RSPO2: variants seen among roughly 807,000 people sequenced by gnomAD.
RSPO2 encodes R-spondin 2.
In RSPO2, 14 loss-of-function variants were observed where a neutral mutation model predicts 30.9. That is an observed-to-expected ratio of 0.45 (90% CI 0.30 to 0.71). The LOEUF (loss-of-function observed/expected upper bound fraction) is 0.71, where lower values mean the gene tolerates loss of function less well. RSPO2 is among the 30% of genes least tolerant of loss of function. The probability of loss-of-function intolerance (pLI) is 0.08; values close to 1 mark genes in which losing one functional copy is unlikely to be tolerated. For synonymous variants in RSPO2, 107 were observed against 96.4 expected, an observed-to-expected ratio of 1.11 and a Z score of -0.64; for missense variants, 264 against 301.9, an observed-to-expected ratio of 0.87 and a Z score of 0.93.
At chr8:108,038,133 C>T (rs1428714977) in intron 2 of RSPO2, among the ~76,000 whole-genome samples, 2 of 152,196 alleles carry the variant, frequency 1.3e-5, no homozygotes, top group African/African-American at 4.8e-5. Context: ...CCATTAAAAA[C>T]ATTAGTGATT....
intron 3 of RSPO2, among the ~76,000 whole-genome samples, chr8:107,982,904 T>C (rs1563549814): frequency 6.6e-6 from 1 of 152,174 alleles, no homozygotes; most frequent in Non-Finnish European, 1.5e-5. Flanking sequence ...TAATATACTA[T>C]ATTTTTTAGG....
chr8:108,029,623 CA>C (rs1464266044), intron 2 of RSPO2, among the ~76,000 whole-genome samples: 2 of 152,230 alleles, frequency 1.3e-5, no homozygotes, highest in East Asian at 3.9e-4. Flanking sequence ...AAAGAATCTG[CA>C]AGACAACATT....
chr8:107,926,541 C>A (rs141514514), intron 5 of RSPO2, among the ~76,000 whole-genome samples: 18,367 of 152,076 alleles, frequency 0.12, 1,434 homozygotes, highest in Middle Eastern at 0.31. Flanking sequence ...TTAGGTCTAA[C>A]GTTTAAGTCT....
intron 2 of RSPO2, among the ~76,000 whole-genome samples, chr8:108,041,846 G>C (rs1811768256): frequency 6.6e-6 from 1 of 152,018 alleles, no homozygotes; most frequent in African/African-American, 2.4e-5. Flanking sequence ...AGGCAGCAGG[G>C]GGTTGGCATC....
intron 5 of RSPO2, among the ~76,000 whole-genome samples, chr8:107,943,792 T>A (rs1011508724): frequency 2.0e-5 from 3 of 152,218 alleles, no homozygotes; most frequent in Admixed American, 1.3e-4. Flanking sequence ...TACTTTAAAT[T>A]ACTCAAGTTA....
At chr8:107,998,187 A>T (rs1307004134) in intron 2 of RSPO2, among the ~76,000 whole-genome samples, 1 of 151,836 alleles carries the variant, frequency 6.6e-6, no homozygotes, top group Non-Finnish European at 1.5e-5. Context: ...CAAGATATGT[A>T]TTTAAGGAAG....
At chr8:107,927,160 T>A (rs1454170505) in intron 5 of RSPO2, among the ~76,000 whole-genome samples, 1 of 152,190 alleles carries the variant, frequency 6.6e-6, no homozygotes, top group Non-Finnish European at 1.5e-5. Context: ...TTGAAGCAAT[T>A]GTGAATGGGA....
intron 2 of RSPO2, among the ~76,000 whole-genome samples, chr8:108,002,124 T>C (rs1007567606): frequency 6.6e-6 from 1 of 152,342 alleles, no homozygotes; most frequent in Non-Finnish European, 1.5e-5. Context: ...AGATTACTTA[T>C]GCCAAGTGTT....
At chr8:108,053,125 C>T (rs1812125258) in intron 2 of RSPO2, among the ~76,000 whole-genome samples, 1 of 152,106 alleles carries the variant, frequency 6.6e-6, no homozygotes, top group Non-Finnish European at 1.5e-5. Context: ...TCTTGATCTG[C>T]TAGATAGTAC....
intron 2 of RSPO2, among the ~76,000 whole-genome samples, chr8:108,031,601 C>T (rs1046052037): frequency 1.3e-5 from 2 of 152,000 alleles, no homozygotes; most frequent in Non-Finnish European, 2.9e-5. Flanking sequence ...GGTAAAAGGC[C>T]GTAACTTCAT....
chr8:108,042,493 C>G (rs968001013), intron 2 of RSPO2, among the ~76,000 whole-genome samples: 1 of 152,118 alleles, frequency 6.6e-6, no homozygotes, highest in Non-Finnish European at 1.5e-5. Context: ...TTACCTGCAA[C>G]CCAAGTCTCA....
intron 2 of RSPO2, chr8:107,997,004 C>A: frequency 2.4e-6 from 1 of 416,800 alleles, no homozygotes; most frequent in South Asian, 1.8e-5. Flanking sequence ...CCTGAGTACT[C>A]TCTCCCCACT....
At chr8:108,038,945 T>G (rs1416934904) in intron 2 of RSPO2, among the ~76,000 whole-genome samples, 2 of 152,204 alleles carry the variant, frequency 1.3e-5, no homozygotes, top group Non-Finnish European at 2.9e-5. Context: ...GAAGTATGCC[T>G]GTATTTATAT....
At chr8:107,903,008 T>C (rs1402648541) in intron 5 of RSPO2, among the ~76,000 whole-genome samples, 1 of 152,078 alleles carries the variant, frequency 6.6e-6, no homozygotes, top group African/African-American at 2.4e-5. Flanking sequence ...AAGTTACAAC[T>C]ATTTAGTAAC....
chr8:107,934,289 G>C (rs1488226427), intron 5 of RSPO2, among the ~76,000 whole-genome samples: 1 of 151,134 alleles, frequency 6.6e-6, no homozygotes, highest in Admixed American at 6.6e-5. Context: ...CCAAAATACA[G>C]AATGTACTAA....
Position 107,901,030 on chromosome 8 carries a change from A to G in RSPO2, c.*45T>C. On this transcript the variant is annotated 3_prime_UTR_variant, in exon 6 of 6. Transcript: ENST00000276659. ...AGGAGTGGAGAGTAGCTTTGTGCAC[A>G]TTTGCAAAAACAAAAACCCCTAAAA... The G allele has an allele frequency of 6.2e-7, 1 of 1,606,902 alleles. No homozygotes were observed.
At chr8:108,038,664 A>G (rs2130651407) in intron 2 of RSPO2, among the ~76,000 whole-genome samples, 1 of 152,172 alleles carries the variant, frequency 6.6e-6, no homozygotes, top group African/African-American at 2.4e-5. Context: ...AGCAACCACC[A>G]CACTGATCAG....
intron 2 of RSPO2, among the ~76,000 whole-genome samples, chr8:108,005,910 A>T (rs1253013985): frequency 1.3e-5 from 2 of 152,168 alleles, no homozygotes; most frequent in African/African-American, 2.4e-5. Flanking sequence ...TGTCTGATAC[A>T]CCTTGGCTGA....
At chr8:107,941,276 T>A (rs745584759) in intron 5 of RSPO2, among the ~76,000 whole-genome samples, 29 of 152,292 alleles carry the variant, frequency 1.9e-4, no homozygotes, top group Middle Eastern at 3.4e-3. Context: ...ACATTCTTCA[T>A]TTAGAAATTA....
Sources: gnomAD v4.1 joint callset for allele counts (sites outside exome capture counted in the v4.1 genomes callset) on GRCh38, gnomAD v4.1.1 for gene constraint, MANE v1.5 for transcripts, NCBI Gene and HGNC (gene_info 2026-07-23, HGNC 2026-07-21) for gene names.